Variants in NMNAT1 observed in about 807,000 individuals in gnomAD.
NMNAT1 encodes the protein nicotinamide/nicotinic acid mononucleotide adenylyltransferase 1.
NMNAT1 carries 11 observed loss-of-function variants against 16.7 expected under a neutral mutation model. The ratio of observed to expected loss-of-function variants is 0.66; its 90% confidence interval spans 0.41 to 1.09. NMNAT1 has a LOEUF of 1.09. Among genes scored for constraint, NMNAT1 ranks in the 50% least tolerant of loss-of-function variants. The probability of loss-of-function intolerance (pLI) is 0.00; values close to 1 mark genes in which losing one functional copy is unlikely to be tolerated. For synonymous variants in NMNAT1, 110 were observed against 119.8 expected, an observed-to-expected ratio of 0.92 and a Z score of 0.53; for missense variants, 280 against 332.3, an observed-to-expected ratio of 0.84 and a Z score of 1.22.
chr1:9,988,706 A>G (rs1642075961), downstream of NMNAT1, among the ~76,000 whole-genome samples: 1 of 132,908 alleles, frequency 7.5e-6, no homozygotes, highest in Non-Finnish European at 1.6e-5. Context: ...TCCATCTCAA[A>G]AAAAAAAAAA....
downstream of NMNAT1, among the ~76,000 whole-genome samples, chr1:9,990,448 C>G (rs961045324): frequency 4.6e-5 from 7 of 152,210 alleles, no homozygotes; most frequent in Admixed American, 3.9e-4. Flanking sequence ...ACAGCCCTTT[C>G]AAACTCCTCA....
chr1:9,986,402 A>G (rs12136213), downstream of NMNAT1, among the ~76,000 whole-genome samples: 32,959 of 152,194 alleles, frequency 0.22, 4,113 homozygotes, highest in Non-Finnish European at 0.29. Context: ...CTAGAGTCCA[A>G]TTTGTACATT....
At position 9,958,443 on chromosome 1, in the gene NMNAT1, GT is replaced by G. The variant is rs766788344; in HGVS notation, c.-56-13561del. Among the ~76,000 whole-genome samples the G allele has an allele frequency of 8.5e-3, 1,191 of 139,622 alleles. 14 individuals carry two copies. Among genetic ancestry groups the G allele is most frequent in the African/African-American group, 0.027 (1,032 of 38,360 alleles). The allele number at this position is 139,622 out of a possible 152,430, so 91.6% of individuals were successfully genotyped here. ...TGATACTGATTTTTTGTTTTGTTTT[GT>G]TTTTTTTTTTTTTGAGACAGAGTCT... On this transcript the variant is annotated intron_variant, in intron 1 of 4. Coordinates refer to ENST00000377205, the MANE Select transcript of NMNAT1 (RefSeq NM_022787.4).
At chr1:9,942,939 C>T (rs1570662504), upstream of NMNAT1, 1 of 354,654 alleles carries the variant, frequency 2.8e-6, no homozygotes, top group East Asian at 7.4e-5. Flanking sequence ...TGAGTTTCTT[C>T]CTAGCGAGGC....
intron 1 of NMNAT1, among the ~76,000 whole-genome samples, chr1:9,951,452 TCA>T (rs921046910): frequency 5.5e-5 from 8 of 144,978 alleles, no homozygotes; most frequent in Non-Finnish European, 7.6e-5. Flanking sequence ...TCCAACAGCT[TCA>T]GTTTTTTTTT....
chr1:9,943,186 G>C (rs2101622884), upstream of NMNAT1: 1 of 173,760 alleles, frequency 5.8e-6, no homozygotes, highest in African/African-American at 2.4e-5. Flanking sequence ...GGCTCCAACA[G>C]GCCCCAATTG....
At position 9,982,744 on chromosome 1, in the gene NMNAT1, T is replaced by C; in HGVS notation, c.*43T>C. On this transcript the variant is annotated 3_prime_UTR_variant, in exon 5 of 5. Coordinates refer to ENST00000377205, the MANE Select transcript of NMNAT1 (RefSeq NM_022787.4). ...ATTTCAGACTTCCCATTTGGGGATC[T>C]GAAACAATCTGGGAGTTAATAACTG... 1 of 1,531,698 alleles carries C rather than the reference T, an allele frequency of 6.5e-7. No homozygotes were observed. 94.9% of individuals were successfully genotyped at this position (1,531,698 alleles called of 1,614,324 possible).
chr1:9,988,868 G>T (rs1432244957), downstream of NMNAT1, among the ~76,000 whole-genome samples: 4 of 151,752 alleles, frequency 2.6e-5, no homozygotes, highest in Non-Finnish European at 5.9e-5. Context: ...GTTTTGTCAT[G>T]CTGGTCTCTA....
At chr1:9,988,661 G>A (rs1360228707), downstream of NMNAT1, among the ~76,000 whole-genome samples, 5 of 130,082 alleles carry the variant, frequency 3.8e-5, no homozygotes, top group African/African-American at 1.5e-4. Flanking sequence ...CCAAGATCGC[G>A]CCACTGCACT....
the NMNAT1 span, among the ~76,000 whole-genome samples, chr1:9,995,673 G>A: frequency 8.6e-5 from 13 of 151,244 alleles, no homozygotes; most frequent in South Asian, 2.1e-4. Flanking sequence ...CAGCCTAGGC[G>A]ACAGAGTGAG....
downstream of NMNAT1, among the ~76,000 whole-genome samples, chr1:9,986,877 G>C (rs773101714): frequency 1.3e-5 from 2 of 151,664 alleles, no homozygotes; most frequent in Non-Finnish European, 2.9e-5. Context: ...GCCAGACCCT[G>C]TCTCAAAAAA....
At chr1:9,973,850 C>G (rs1407366623) in intron 2 of NMNAT1, among the ~76,000 whole-genome samples, 1 of 150,800 alleles carries the variant, frequency 6.6e-6, no homozygotes, top group East Asian at 2.0e-4. Context: ...GTGGCGAAAC[C>G]TTGACTCTAC....
intron 1 of NMNAT1, among the ~76,000 whole-genome samples, chr1:9,954,395 G>A (rs1026787732): frequency 9.9e-5 from 15 of 151,834 alleles, no homozygotes; most frequent in African/African-American, 3.6e-4. Flanking sequence ...ATTTTTTGTA[G>A]AGATGATGTC....
intron 2 of NMNAT1, among the ~76,000 whole-genome samples, chr1:9,973,751 G>A (rs1047270275): frequency 8.0e-5 from 12 of 150,344 alleles, no homozygotes; most frequent in South Asian, 4.2e-4. Flanking sequence ...TAGGCTGGGC[G>A]TGGTGGCACA....
intron 1 of NMNAT1, 120 bp from the exon 2 acceptor site, chr1:9,971,898 A>G: frequency 1.8e-6 from 1 of 549,148 alleles, no homozygotes; most frequent in East Asian, 3.1e-5. Flanking sequence ...TGAGCCCAGA[A>G]GTTTGAGGGT....
rs754814479 is a variant in NMNAT1, at chr1:9,975,759, A to C, written c.283A>C (p.Thr95Pro). ...AAGTCTTCAGAAGGAGTGGAAAGAG[A>C]CTCTGAAGGTGCTAAGGTATTTATG... ...WESLQKEWKE[T>P]LKVLRHHQEK... Residue 95 changes from threonine (T) to proline (P), a missense_variant, in exon 3 of 5, where the codon ACT (threonine) becomes CCT (proline). Transcript: ENST00000377205. 1 of 1,612,838 alleles carries C rather than the reference A, an allele frequency of 6.2e-7. No homozygotes were observed. The highest frequency in any genetic ancestry group is 1.1e-5 in the South Asian group (1 of 90,902).
chr1:9,951,013 C>G (rs1660733), intron 1 of NMNAT1, among the ~76,000 whole-genome samples: 1 of 151,308 alleles, frequency 6.6e-6, no homozygotes, highest in Non-Finnish European at 1.5e-5. Flanking sequence ...TGCTTTAATC[C>G]AGGAGGAGGA....
chr1:9,958,502 T>C (rs6541071), intron 1 of NMNAT1, among the ~76,000 whole-genome samples: 145,216 of 150,650 alleles, frequency 0.96, 70,214 homozygotes, highest in East Asian at 1. Context: ...TGCAGTGGTG[T>C]GATCTCAGCT....
rs561005962 is a variant in NMNAT1 at position 9,951,770 on chromosome 1, C to T, written c.-57+8255C>T. Among the ~76,000 whole-genome samples, 4 of 152,252 alleles carry T rather than the reference C, an allele frequency of 2.6e-5. No homozygotes were observed. In the South Asian group the frequency reaches 6.2e-4, roughly 24 times the overall value. ...GATTAGAGGCGTGAGCCACTGTGCC[C>T]GGCCTGTTTCACTGTTGATTAATAT... On this transcript the variant is annotated intron_variant, in intron 1 of 4. Transcript: ENST00000377205.
Sources: allele counts gnomAD v4.1 joint callset (sites outside exome capture counted in the v4.1 genomes callset), GRCh38; gene constraint gnomAD v4.1.1; transcripts MANE v1.5; gene names NCBI Gene and HGNC (gene_info 2026-07-23, HGNC 2026-07-21).